Variants in TRIM37 observed in about 807,000 individuals in gnomAD.
TRIM37 encodes the protein E3 ubiquitin-protein ligase TRIM37.
Under a neutral mutation model 129.8 loss-of-function variants are expected in TRIM37, and 80 were observed. The ratio of observed to expected loss-of-function variants is 0.62; its 90% CI spans 0.51 to 0.74. TRIM37 has a LOEUF of 0.74. Among genes scored for constraint, TRIM37 ranks in the 30% least tolerant of loss-of-function variants. TRIM37 has a pLI of 0.00. For missense variants in TRIM37, 1,054 were observed against 1,176.5 expected, an observed-to-expected ratio of 0.90 and a Z score of 1.52; for synonymous variants, 389 against 387.1, an observed-to-expected ratio of 1.00 and a Z score of -0.06.
At chr17:58,998,157 A>C (rs1056454129), downstream of TRIM37, 2 of 943,748 alleles carry the variant, frequency 2.1e-6, no homozygotes, top group African/African-American at 3.6e-5. Flanking sequence ...AATGAGTAGA[A>C]AAGAAGGGGT....
chr17:58,986,883 G>A (rs1390986864), intron 24 of TRIM37, among the ~76,000 whole-genome samples: 1 of 152,144 alleles, frequency 6.6e-6, no homozygotes, highest in African/African-American at 2.4e-5. Flanking sequence ...CTTTTGCTTG[G>A]CCTAGGAATA....
chr17:58,998,756 G>C lies in TRIM37; in HGVS notation c.*621C>G. 1 of 985,714 alleles carries C rather than the reference G, an allele frequency of 1.0e-6. No homozygotes were observed. The highest frequency in any genetic ancestry group is 1.2e-6 in the Non-Finnish European group (1 of 830,178). The allele number at this position is 985,714 out of a possible 1,614,324, so 61.1% of individuals were successfully genotyped here. On this transcript the variant is annotated 3_prime_UTR_variant, in exon 24 of 24. Transcript: ENST00000262294. The stretch of plus-strand genomic sequence containing the variant: ...TTCATTTAAAATTACATTTGTAGAA[G>C]TCACACAACAGAAAGATACCATGCG...
chr17:59,012,441 T>C lies in TRIM37; in HGVS notation c.2582A>G (p.Asn861Ser). ...TCCTTCCAGATGACCTCCTTTAGCA[T>C]TAGCCCTCAAAGAAGAAAACAACTT... is the stretch of plus-strand genomic sequence containing the variant. ...KRRKMVTLGA[N>S]AKGGHLEGLQ... The change falls in exon 22 of 24, where the codon AAT becomes AGT. Residue 861 changes from asparagine (N) to serine (S), a missense_variant. Asn to Ser is a conservative substitution (Grantham distance 46). This residue lies in a region of TRIM37 where 287 missense variants were observed against 274.3 expected (regional missense o/e 1.05). Transcript: ENST00000262294. The C allele has an allele frequency of 1.3e-6, 2 of 1,599,416 alleles. No homozygotes were observed. Among genetic ancestry groups the C allele is most frequent in the Non-Finnish European group, 1.7e-6 (2 of 1,170,860 alleles).
intron 8 of TRIM37, among the ~76,000 whole-genome samples, chr17:59,072,026 C>T (rs74583473): frequency 7.4e-4 from 113 of 152,306 alleles, no homozygotes; most frequent in Admixed American, 1.8e-3. Flanking sequence ...GTACCTCAGT[C>T]TATCTGGAGA....
chr17:59,082,667 T>C (rs748377754), intron 5 of TRIM37, among the ~76,000 whole-genome samples: 1 of 152,190 alleles, frequency 6.6e-6, no homozygotes, highest in Non-Finnish European at 1.5e-5. Flanking sequence ...TATAGCTAAC[T>C]ACCTAAAAAT....
rs1568071352 is a variant in TRIM37 at position 59,043,833 on chromosome 17, T to C, written c.1668-1935A>G. Among the ~76,000 whole-genome samples, 3 of 152,310 alleles carry C rather than the reference T, an allele frequency of 2.0e-5. No individual in the cohort carries two copies. The South Asian group carries it at 6.2e-4, about 32-fold the overall frequency. ...AGTAAGAGAGGTACACCTTTATCCT[T>C]ACTCCAACTTCAAAGCTTTGGCTCA... On this transcript the variant is annotated intron_variant, in intron 16 of 23. Coordinates refer to ENST00000262294, the MANE Select transcript of TRIM37 (RefSeq NM_015294.6).
intron 7 of TRIM37, 116 bp downstream of exon 7, chr17:59,079,638 G>A: frequency 7.9e-7 from 1 of 1,267,952 alleles, no homozygotes; most frequent in Non-Finnish European, 1.1e-6. Flanking sequence ...GTAACAACAT[G>A]GAGTTGCCTA....
At chr17:59,064,331 A>T in intron 10 of TRIM37, 24 bp downstream of exon 10, 2 of 1,581,304 alleles carry the variant, frequency 1.3e-6, no homozygotes. Context: ...ATACAAAAAA[A>T]CCAGAATTGT....
intron 17 of TRIM37, among the ~76,000 whole-genome samples, chr17:59,034,650 G>A (rs1160070915): frequency 6.6e-6 from 1 of 152,048 alleles, no homozygotes; most frequent in African/African-American, 2.4e-5. Context: ...AGGAGCCATG[G>A]TGCCCGGCCT....
chr17:59,096,454 A>G (rs1209240638), intron 2 of TRIM37, among the ~76,000 whole-genome samples: 2 of 149,674 alleles, frequency 1.3e-5, no homozygotes, highest in African/African-American at 4.9e-5. Flanking sequence ...CGGGAGGCTG[A>G]GGCAGGAGAA....
intron 8 of TRIM37, chr17:59,073,245 C>T (rs1207313475): frequency 6.6e-6 from 1 of 152,050 alleles, no homozygotes; most frequent in Admixed American, 6.6e-5. Flanking sequence ...TTTACATAAA[C>T]ACTATCAGGC....
chr17:59,022,717 T>C (rs986320540), intron 19 of TRIM37, among the ~76,000 whole-genome samples: 2 of 152,080 alleles, frequency 1.3e-5, no homozygotes, highest in Admixed American at 6.5e-5. Flanking sequence ...ATTATTGGTA[T>C]TGTTGTTACT....
chr17:59,024,355 T>C (rs946407136), intron 19 of TRIM37, among the ~76,000 whole-genome samples: 6 of 151,884 alleles, frequency 4.0e-5, no homozygotes, highest in Admixed American at 3.3e-4. Context: ...AACAGCTACC[T>C]AAGATATAAT....
At chr17:59,033,162 G>C (rs2038075047) in intron 17 of TRIM37, among the ~76,000 whole-genome samples, 2 of 152,250 alleles carry the variant, frequency 1.3e-5, no homozygotes, top group East Asian at 1.9e-4. Context: ...CAGGAAAGTA[G>C]ATAATATAAA....
intron 13 of TRIM37, among the ~76,000 whole-genome samples, chr17:59,053,560 TGCTTAAAAAAA>T (rs1418491056): frequency 2.0e-5 from 3 of 152,196 alleles, no homozygotes; most frequent in African/African-American, 7.2e-5. Context: ...GACTCAATGT[TGCTTAAAAAAA>T]ATGATGTCAT....
chr17:59,009,738 G>A (rs977653144), intron 22 of TRIM37, among the ~76,000 whole-genome samples: 9 of 152,116 alleles, frequency 5.9e-5, no homozygotes, highest in African/African-American at 1.7e-4. Flanking sequence ...GAGCCACTGC[G>A]CCCGGCCCTG....
At chr17:59,050,561 A>C (rs1420756906) in intron 14 of TRIM37, among the ~76,000 whole-genome samples, 1 of 152,148 alleles carries the variant, frequency 6.6e-6, no homozygotes, top group African/African-American at 2.4e-5. Context: ...ACATGCTCGT[A>C]GTCCCAGCTA....
downstream of TRIM37, among the ~76,000 whole-genome samples, chr17:58,994,771 A>G (rs1459875246): frequency 6.7e-6 from 1 of 149,872 alleles, no homozygotes; most frequent in Non-Finnish European, 1.5e-5. Context: ...TTTTTGAGAC[A>G]GAGTTTCGCT....
At chr17:59,045,649 A>G (rs2039713328) in intron 16 of TRIM37, among the ~76,000 whole-genome samples, 1 of 151,754 alleles carries the variant, frequency 6.6e-6, no homozygotes, top group South Asian at 2.1e-4. Flanking sequence ...AAAAAAAAAA[A>G]AAAGAAAAAA....
Sources: allele counts gnomAD v4.1 joint callset (sites outside exome capture counted in the v4.1 genomes callset), GRCh38; gene constraint gnomAD v4.1.1; regional missense constraint gnomAD v4.1.1; transcripts MANE v1.5; gene names NCBI Gene and HGNC (gene_info 2026-07-23, HGNC 2026-07-21).